Variants in UNC13C observed in about 807,000 individuals in gnomAD.
The protein encoded by UNC13C is protein unc-13 homolog C.
UNC13C carries 174 observed loss-of-function variants against 245.4 expected under a neutral mutation model. That is an observed-to-expected ratio of 0.71 (90% CI 0.63 to 0.80). The LOEUF (loss-of-function observed/expected upper bound fraction) is 0.80, where lower values mean the gene tolerates loss of function less well. Among genes scored for constraint, UNC13C ranks in the 30% least tolerant of loss-of-function variants. The pLI is 0.00. For synonymous variants in UNC13C, 992 were observed against 895.1 expected (o/e 1.11, Z -1.93); for missense variants, 2,829 against 2,602.9 (o/e 1.09, Z -1.89).
chr15:53,884,682 T>C, the UNC13C span, among the ~76,000 whole-genome samples: 17 of 152,280 alleles, frequency 1.1e-4, 1 homozygote, highest in African/African-American at 3.9e-4. Flanking sequence ...TTCTGCTCTT[T>C]GAATATATTG....
chr15:53,851,973 G>A, the UNC13C span, among the ~76,000 whole-genome samples: 409 of 152,292 alleles, frequency 2.7e-3, 2 homozygotes, highest in African/African-American at 9.4e-3. Flanking sequence ...TGGTGAATGT[G>A]CTTCCCTGAG....
At chr15:53,983,240 A>G (rs117989310) in intron 1 of UNC13C, among the ~76,000 whole-genome samples, 1 of 152,196 alleles carries the variant, frequency 6.6e-6, no homozygotes, top group East Asian at 1.9e-4. Context: ...TTTAAAAGTA[A>G]AGAATATGTA....
At chr15:54,089,518 T>C (rs1287706445) in intron 2 of UNC13C, among the ~76,000 whole-genome samples, 1 of 152,140 alleles carries the variant, frequency 6.6e-6, no homozygotes, top group Non-Finnish European at 1.5e-5. Context: ...TGAGTATGTG[T>C]CTGTCATCGT....
At chr15:53,935,545 G>T in the UNC13C span, among the ~76,000 whole-genome samples, 2 of 152,176 alleles carry the variant, frequency 1.3e-5, no homozygotes, top group Non-Finnish European at 2.9e-5. Context: ...GGCCTATTTG[G>T]AAGCAGATAC....
chr15:54,416,940 T>G (rs1433989454), intron 19 of UNC13C: 1 of 456,542 alleles, frequency 2.2e-6, no homozygotes, highest in South Asian at 1.5e-5. Flanking sequence ...GATGCCTGGA[T>G]TTTTCTTCCC....
At chr15:54,350,771 G>A (rs1157629851) in intron 17 of UNC13C, among the ~76,000 whole-genome samples, 1 of 152,202 alleles carries the variant, frequency 6.6e-6, no homozygotes, top group Non-Finnish European at 1.5e-5. Flanking sequence ...GTGGAGTCAA[G>A]AGGTATAATC....
intron 22 of UNC13C, among the ~76,000 whole-genome samples, chr15:54,505,651 C>G (rs539036160): frequency 1.8e-5 from 2 of 112,528 alleles, no homozygotes; most frequent in African/African-American, 3.3e-5. Flanking sequence ...TTTGCACACT[C>G]TCATTCAAGT....
chr15:54,140,774 C>T (rs1457738297), intron 2 of UNC13C, among the ~76,000 whole-genome samples: 1 of 152,126 alleles, frequency 6.6e-6, no homozygotes, highest in Non-Finnish European at 1.5e-5. Context: ...GATCGCATTT[C>T]ACATGGATTT....
intron 30 of UNC13C, among the ~76,000 whole-genome samples, chr15:54,587,557 G>GTT (rs1566925352): frequency 3.3e-5 from 5 of 152,148 alleles, no homozygotes; most frequent in African/African-American, 1.2e-4. Context: ...AGGAGTTTGG[G>GTT]ACCAGCCTTC....
At chr15:54,051,753 T>G (rs1250747045) in intron 2 of UNC13C, among the ~76,000 whole-genome samples, 1 of 129,700 alleles carries the variant, frequency 7.7e-6, no homozygotes, top group Non-Finnish European at 1.6e-5. Context: ...TATACTCCAT[T>G]CTTTCTTTCT....
intron 1 of UNC13C, among the ~76,000 whole-genome samples, chr15:54,009,547 C>CTTTTTTTTTTTTTTTT (rs368634860): frequency 6.9e-6 from 1 of 143,950 alleles, no homozygotes. Flanking sequence ...TCTTCTTCTT[C>CTTTTTTTTTTTTTTTT]TTCTTTTTTT....
rs1897015 is a variant in UNC13C, at chr15:54,089,994, G to A, written c.2984-53024G>A. Among the ~76,000 whole-genome samples, 1,017 of 152,254 alleles carry A rather than the reference G, an allele frequency of 6.7e-3. 8 individuals are homozygous for A. Among genetic ancestry groups the A allele is most frequent in the Admixed American group, 0.012 (183 of 15,292 alleles). On this transcript the variant is annotated intron_variant, in intron 2 of 32. Coordinates refer to ENST00000260323, the MANE Select transcript of UNC13C (RefSeq NM_001080534.3). ...CAGCAGAGCTCTGACCCATTTTACT[G>A]GGAAGGACTCTGGCACAAACAGCCT...
the UNC13C span, among the ~76,000 whole-genome samples, chr15:53,965,726 C>A: frequency 6.6e-6 from 1 of 151,944 alleles, no homozygotes; most frequent in Non-Finnish European, 1.5e-5. Context: ...CTCCCCCTAC[C>A]CCACAACAGT....
At chr15:54,603,598 A>G (rs1899575327) in intron 30 of UNC13C, among the ~76,000 whole-genome samples, 2 of 152,164 alleles carry the variant, frequency 1.3e-5, no homozygotes, top group African/African-American at 4.8e-5. Flanking sequence ...ACAGTGGCTC[A>G]CACCTGTAAT....
intron 32 of UNC13C, among the ~76,000 whole-genome samples, chr15:54,625,290 T>G (rs112972666): frequency 0.071 from 1 of 14 alleles, no homozygotes; most frequent in Non-Finnish European, 0.25. Context: ...CCTACTGAGA[T>G]ATAGTCCCAA....
intron 2 of UNC13C, 58 bp from the exon 3 acceptor site, chr15:54,142,960 A>G (rs1371914440): frequency 8.7e-6 from 13 of 1,486,784 alleles, no homozygotes; most frequent in African/African-American, 1.4e-5. Context: ...TGTTTAAACA[A>G]TTTCTTGAAA....
At chr15:54,520,133 G>A (rs1895153400) in intron 24 of UNC13C, among the ~76,000 whole-genome samples, 1 of 152,078 alleles carries the variant, frequency 6.6e-6, no homozygotes, top group Non-Finnish European at 1.5e-5. Context: ...CAGGAAATAG[G>A]AACACAATGT....
chr15:53,839,317 C>G, the UNC13C span, among the ~76,000 whole-genome samples: 1 of 152,094 alleles, frequency 6.6e-6, no homozygotes, highest in Admixed American at 6.6e-5. Flanking sequence ...AGGGCAACTT[C>G]TCCAACTTCA....
intron 2 of UNC13C, among the ~76,000 whole-genome samples, chr15:54,132,333 G>C (rs535837938): frequency 2.0e-5 from 3 of 152,256 alleles, no homozygotes; most frequent in Non-Finnish European, 4.4e-5. Flanking sequence ...GCCTCCCAAA[G>C]TGCTGGGATC....
Sources: allele counts gnomAD v4.1 joint callset (sites outside exome capture counted in the v4.1 genomes callset), GRCh38; gene constraint gnomAD v4.1.1; transcripts MANE v1.5; gene names NCBI Gene and HGNC (gene_info 2026-07-23, HGNC 2026-07-21).